Variants in ACER3 observed in about 807,000 individuals in gnomAD.
The protein encoded by ACER3 is alkaline ceramidase 3, also known as alkCDase 3.
A neutral mutation model predicts 48.9 loss-of-function variants in ACER3; 16 were observed. That is an observed-to-expected ratio of 0.33 (90% CI 0.22 to 0.50). ACER3 has a LOEUF of 0.50. ACER3 is among the 20% of genes least tolerant of loss of function. The probability of loss-of-function intolerance (pLI) is 0.98; values close to 1 mark genes in which losing one functional copy is unlikely to be tolerated. For synonymous variants in ACER3, 109 were observed against 107.8 expected (o/e 1.01, Z -0.07); for missense variants, 227 against 326.0 (o/e 0.70, Z 2.34).
chr11:76,929,424 T>C (rs1199935214), intron 2 of ACER3, among the ~76,000 whole-genome samples: 1 of 152,198 alleles, frequency 6.6e-6, no homozygotes, highest in East Asian at 1.9e-4. Context: ...CAATTTGACT[T>C]CCTCTTTTAT....
intron 8 of ACER3, among the ~76,000 whole-genome samples, chr11:77,015,576 G>A (rs911470950): frequency 2.0e-5 from 3 of 152,074 alleles, no homozygotes; most frequent in Non-Finnish European, 4.4e-5. Flanking sequence ...TTAGACTTAG[G>A]TCTCTGGATT....
At chr11:77,001,058 A>T (rs1038789743) in intron 7 of ACER3, among the ~76,000 whole-genome samples, 16 of 152,034 alleles carry the variant, frequency 1.1e-4, no homozygotes, top group Admixed American at 5.9e-4. Flanking sequence ...ATGTCTCTTG[A>T]TTTATTTAGA....
chr11:76,986,437 AT>A (rs1228870358), intron 5 of ACER3, among the ~76,000 whole-genome samples: 3 of 152,248 alleles, frequency 2.0e-5, no homozygotes, highest in East Asian at 3.8e-4. Context: ...TTGCACTAGA[AT>A]TTAACTGATG....
At chr11:76,986,991 C>T (rs536866985) in intron 5 of ACER3, among the ~76,000 whole-genome samples, 1 of 151,960 alleles carries the variant, frequency 6.6e-6, no homozygotes, top group African/African-American at 2.4e-5. Flanking sequence ...GCTTGAACCC[C>T]GGAGGCGGAG....
intron 1 of ACER3, among the ~76,000 whole-genome samples, chr11:76,891,566 G>A (rs1056717442): frequency 3.3e-5 from 5 of 152,140 alleles, no homozygotes; most frequent in African/African-American, 1.2e-4. Flanking sequence ...CCCAAAGAGG[G>A]GGTTGGAGGA....
At chr11:76,982,897 T>A (rs1291421297) in intron 4 of ACER3, among the ~76,000 whole-genome samples, 1 of 152,254 alleles carries the variant, frequency 6.6e-6, no homozygotes, top group Non-Finnish European at 1.5e-5. Context: ...TTGAGATTAT[T>A]CTTTCTGCAT....
intron 7 of ACER3, among the ~76,000 whole-genome samples, chr11:77,004,464 A>G (rs1434375423): frequency 2.6e-5 from 4 of 152,188 alleles, no homozygotes; most frequent in Non-Finnish European, 5.9e-5. Context: ...ATTCTGTATC[A>G]TTGTTGATTC....
At chr11:76,903,837 A>G (rs942442146) in intron 1 of ACER3, among the ~76,000 whole-genome samples, 7 of 152,160 alleles carry the variant, frequency 4.6e-5, no homozygotes, top group Non-Finnish European at 7.3e-5. Flanking sequence ...TTCCCTTTCA[A>G]GGTCTTTTCC....
In ACER3 at chr11:76,949,366, A is replaced by G. The variant is rs188960060; in HGVS notation, c.215-9613A>G. Reference sequence around the variant, plus strand: ...TTACTTATTTTGTGGAGTGTGCTGGATAATTTCTACAGATATGAATTTTAT... The same window carrying G: ...TTACTTATTTTGTGGAGTGTGCTGGGTAATTTCTACAGATATGAATTTTAT... On this transcript the variant is annotated intron_variant, in intron 2 of 10. Coordinates refer to ENST00000532485, the MANE Select transcript of ACER3 (RefSeq NM_018367.7). Among the ~76,000 whole-genome samples, 125 of 152,252 alleles carry G rather than the reference A, an allele frequency of 8.2e-4. 1 individual carries two copies. The highest frequency in any genetic ancestry group is 2.8e-3 in the African/African-American group (118 of 41,548).
intron 3 of ACER3, among the ~76,000 whole-genome samples, chr11:76,966,765 C>T (rs1948148855): frequency 6.7e-6 from 1 of 148,562 alleles, no homozygotes; most frequent in Non-Finnish European, 1.5e-5. Flanking sequence ...CCAACGAGAA[C>T]AAAGACACAA....
rs182319963 is a variant in ACER3 at position 76,998,321 on chromosome 11, G to A, written c.439-442G>A. Among the ~76,000 whole-genome samples the A allele has an allele frequency of 9.2e-5, 14 of 152,294 alleles. No individual in the cohort carries two copies. The East Asian group carries it at 2.1e-3, about 23-fold the overall frequency. ...GACTAGGGATGAGAAAGAATGCCAG[G>A]GGAGGATGCATATAAATGCAGAGGC... On this transcript the variant is annotated intron_variant, in intron 6 of 10. Transcript: ENST00000532485.
chr11:76,890,244 C>G lies in ACER3; in HGVS notation c.103+29165C>G, dbSNP rs1945771684. 4.6e-5 allele frequency among the ~76,000 whole-genome samples: 7 copies of G among 152,212 alleles called. No homozygotes were observed. The South Asian group carries it at 1.5e-3, about 32-fold the overall frequency. On this transcript the variant is annotated intron_variant, in intron 1 of 10. Coordinates refer to ENST00000532485, the MANE Select transcript of ACER3 (RefSeq NM_018367.7). ...TGGATGAATAAATTACATGCCCACA[C>G]CTTACAGACATAACTATAATTATTT... is the stretch of plus-strand genomic sequence containing the variant.
At position 77,025,412 on chromosome 11, in the gene ACER3, T is replaced by TATATATATGTATATATATATATATA. The variant is rs575045221; in HGVS notation, c.*5085_*5086insATATATATGTATATATATATATATA. Reference sequence around the variant, plus strand: ...ATTCTTTATATATATATATATATATTTATTTATTTTTTTGAGACAGAGTCT... The same window carrying TATATATATGTATATATATATATATA: ...ATTCTTTATATATATATATATATATTATATATATGTATATATATATATATATATTTATTTTTTTGAGACAGAGTCT... On this transcript the variant is annotated 3_prime_UTR_variant, in exon 11 of 11. Coordinates refer to ENST00000532485, the MANE Select transcript of ACER3 (RefSeq NM_018367.7). 3 of 69,234 alleles carry TATATATATGTATATATATATATATA rather than the reference T, an allele frequency of 4.3e-5. No homozygotes were observed. Among genetic ancestry groups the TATATATATGTATATATATATATATA allele is most frequent in the African/African-American group, 1.3e-4 (3 of 23,460 alleles). 4.3% of individuals were successfully genotyped at this position (69,234 alleles called of 1,614,324 possible).
intron 6 of ACER3, chr11:76,994,329 C>T (rs760022890): frequency 1.3e-4 from 49 of 366,314 alleles, no homozygotes; most frequent in Middle Eastern, 9.7e-4. Context: ...GGGGTATCGC[C>T]ATGTTGGCCA....
intron 2 of ACER3, among the ~76,000 whole-genome samples, chr11:76,944,173 G>A (rs1221613542): frequency 6.6e-6 from 1 of 151,998 alleles, no homozygotes. Flanking sequence ...ATATTGATAT[G>A]TGAGGCTTTG....
rs1555024034 is a variant in ACER3, at chr11:77,019,744, A to G, written c.718A>G (p.Thr240Ala). Reference protein sequence around the residue: ...LHILFSLYTRTLYLRYRPKVK... With the variant: ...LHILFSLYTRALYLRYRPKVK... ...CTTTTCTTTCAGTTTGTATACAAGA[A>G]CACTTTACCTGAGATATAGGCCAAA... The change falls in exon 10 of 11, where the codon ACA becomes GCA. Residue 240 changes from threonine (T) to alanine (A), a missense_variant. This residue lies in a region of ACER3 where 195 missense variants were observed against 290.8 expected (regional missense o/e 0.67). Transcript: ENST00000532485. The G allele has an allele frequency of 6.2e-7, 1 of 1,614,102 alleles. No homozygotes were observed.
chr11:76,925,763 A>C (rs1590939423), intron 1 of ACER3, among the ~76,000 whole-genome samples: 1 of 152,016 alleles, frequency 6.6e-6, no homozygotes, highest in Admixed American at 6.6e-5. Context: ...TTAATCCTTG[A>C]CTGTTTGAAA....
At chr11:76,881,147 T>C (rs892927708) in intron 1 of ACER3, among the ~76,000 whole-genome samples, 1 of 151,572 alleles carries the variant, frequency 6.6e-6, no homozygotes, top group African/African-American at 2.4e-5. Context: ...CCCAGCTGCT[T>C]GGGAGGCTGA....
intron 9 of ACER3, among the ~76,000 whole-genome samples, chr11:77,019,256 C>T (rs1036715568): frequency 7.2e-5 from 11 of 152,044 alleles, no homozygotes; most frequent in Non-Finnish European, 1.6e-4. Context: ...GTCTGGGGTT[C>T]GAGACCAGCC....
Sources: gnomAD v4.1 joint callset for allele counts (sites outside exome capture counted in the v4.1 genomes callset) on GRCh38, gnomAD v4.1.1 for gene constraint, gnomAD v4.1.1 regional missense constraint, MANE v1.5 for transcripts, NCBI Gene and HGNC (gene_info 2026-07-23, HGNC 2026-07-21) for gene names.